MTHFD1L: variants seen among roughly 807,000 people sequenced by gnomAD.
MTHFD1L encodes methylenetetrahydrofolate dehydrogenase (NADP+ dependent) 1 like, also known as monofunctional C1-tetrahydrofolate synthase, mitochondrial.
MTHFD1L carries 81 observed loss-of-function variants against 119.5 expected under a neutral mutation model. The observed-to-expected ratio is 0.68, with a 90% confidence interval of 0.57 to 0.82. The LOEUF (loss-of-function observed/expected upper bound fraction) is 0.82. Among genes scored for constraint, MTHFD1L ranks in the 40% least tolerant of loss-of-function variants. The pLI, the probability that MTHFD1L is intolerant of heterozygous loss-of-function variation, is 0.00. For missense variants in MTHFD1L, 1,125 were observed against 1,253.4 expected, an observed-to-expected ratio of 0.90 and a Z score of 1.55; for synonymous variants, 430 against 475.2, an observed-to-expected ratio of 0.90 and a Z score of 1.24.
At chr6:151,092,926 C>T (rs1297789412) in intron 27 of MTHFD1L, among the ~76,000 whole-genome samples, 2 of 152,136 alleles carry the variant, frequency 1.3e-5, no homozygotes, top group South Asian at 2.1e-4. Flanking sequence ...TTAAAACCAG[C>T]GTCTGTTATA....
intron 20 of MTHFD1L, among the ~76,000 whole-genome samples, chr6:150,996,415 C>G (rs768453301): frequency 6.6e-6 from 1 of 151,552 alleles, no homozygotes; most frequent in East Asian, 2.0e-4. Context: ...GTGATCTTAC[C>G]GCCTTTACCT....
At position 151,091,077 on chromosome 6, in the gene MTHFD1L, C is replaced by T. The variant is rs547597617; in HGVS notation, c.2848-1390C>T. 1.6e-3 allele frequency among the ~76,000 whole-genome samples: 226 copies of T among 139,640 alleles called. 7 individuals are homozygous for T. Among genetic ancestry groups the T allele is most frequent in the African/African-American group, 5.7e-3 (200 of 35,248 alleles). 91.6% of individuals were successfully genotyped at this position (139,640 alleles called of 152,430 possible). Reference sequence around the variant, plus strand: ...CGACTGGGTGCAGCATCGTTCCATGCGACTGGGTGCAGCATCGTTCCATGC... The same window carrying T: ...CGACTGGGTGCAGCATCGTTCCATGTGACTGGGTGCAGCATCGTTCCATGC... On this transcript the variant is annotated intron_variant, in intron 26 of 27. Coordinates refer to ENST00000367321, the MANE Select transcript of MTHFD1L (RefSeq NM_015440.5).
chr6:151,057,388 C>G (rs1031555725), intron 26 of MTHFD1L: 5 of 979,430 alleles, frequency 5.1e-6, no homozygotes, highest in Non-Finnish European at 2.4e-6. Context: ...CGTCTGTAAT[C>G]CCAACATTTT....
At chr6:151,056,940 ATG>A (rs1178800986) in intron 26 of MTHFD1L, among the ~76,000 whole-genome samples, 1 of 152,160 alleles carries the variant, frequency 6.6e-6, no homozygotes, top group Non-Finnish European at 1.5e-5. Context: ...CTGACAATAA[ATG>A]TTGGGGTTCT....
chr6:150,883,222 G>A (rs371499937), intron 5 of MTHFD1L, among the ~76,000 whole-genome samples: 1 of 151,960 alleles, frequency 6.6e-6, no homozygotes, highest in African/African-American at 2.4e-5. Context: ...TAGTAGAGAC[G>A]GGGTTTTACC....
At chr6:150,935,146 G>T in intron 11 of MTHFD1L, 1 of 1,613,166 alleles carries the variant, frequency 6.2e-7, no homozygotes, top group Non-Finnish European at 8.5e-7. Context: ...AGAAAATTAA[G>T]GTAAGCTTGG....
At chr6:150,962,019 C>T (rs1796515676) in intron 18 of MTHFD1L, among the ~76,000 whole-genome samples, 1 of 151,932 alleles carries the variant, frequency 6.6e-6, no homozygotes, top group South Asian at 2.1e-4. Context: ...GATGGAGTTT[C>T]GCTCTTGTTG....
intron 15 of MTHFD1L, among the ~76,000 whole-genome samples, chr6:150,947,610 T>A (rs892654196): frequency 6.6e-6 from 1 of 151,948 alleles, no homozygotes. Context: ...AGTTTTAATT[T>A]TTTTTTTTCT....
chr6:150,980,318 T>G (rs1405739013), intron 20 of MTHFD1L, among the ~76,000 whole-genome samples: 2 of 152,222 alleles, frequency 1.3e-5, no homozygotes, highest in African/African-American at 4.8e-5. Flanking sequence ...CCTGTGTGGC[T>G]TGGTGCCGAA....
chr6:151,050,113 C>G (rs917771750), intron 26 of MTHFD1L, among the ~76,000 whole-genome samples: 1 of 146,694 alleles, frequency 6.8e-6, no homozygotes, highest in Non-Finnish European at 1.5e-5. Context: ...CCTCTTCCCC[C>G]ATACCTCGCC....
rs185298490 is a variant in MTHFD1L, at chr6:150,922,093, C to T, written c.985-112C>T. On this transcript the variant is annotated intron_variant, in intron 9 of 27. Coordinates refer to ENST00000367321, the MANE Select transcript of MTHFD1L (RefSeq NM_015440.5). ...CCTAATATCCTCCTGGCTTATTGTGCGACTCGATAATCTTGTTTTGTAACA... is the reference window on the plus strand; with the variant it reads ...CCTAATATCCTCCTGGCTTATTGTGTGACTCGATAATCTTGTTTTGTAACA... The T allele has an allele frequency of 3.6e-4, 277 of 760,412 alleles. No individual in the cohort carries two copies. The East Asian group carries it at 4.5e-3, about 12-fold the overall frequency. The allele number at this position is 760,412 out of a possible 1,614,324, so 47.1% of individuals were successfully genotyped here.
intron 26 of MTHFD1L, among the ~76,000 whole-genome samples, chr6:151,058,422 C>T (rs899154115): frequency 6.6e-6 from 1 of 152,216 alleles, no homozygotes; most frequent in African/African-American, 2.4e-5. Flanking sequence ...TGTGGGTACA[C>T]TGTACAGAAA....
chr6:150,983,019 T>A (rs1239058609), intron 20 of MTHFD1L, among the ~76,000 whole-genome samples: 1 of 151,508 alleles, frequency 6.6e-6, no homozygotes, highest in East Asian at 1.9e-4. Flanking sequence ...TATTGTTAGA[T>A]TTTTTTAGCT....
chr6:150,973,538 C>T (rs1264215027), intron 20 of MTHFD1L, among the ~76,000 whole-genome samples: 1 of 152,190 alleles, frequency 6.6e-6, no homozygotes, highest in African/African-American at 2.4e-5. Flanking sequence ...GGTTCTGATG[C>T]ATCAGCTCTG....
At chr6:150,937,694 A>G (rs1198996172) in intron 12 of MTHFD1L, among the ~76,000 whole-genome samples, 1 of 152,022 alleles carries the variant, frequency 6.6e-6, no homozygotes, top group Non-Finnish European at 1.5e-5. Context: ...TGTGTTTCCT[A>G]CCGCCATGTG....
At chr6:151,008,355 T>C (rs1001782206) in intron 20 of MTHFD1L, among the ~76,000 whole-genome samples, 7 of 152,250 alleles carry the variant, frequency 4.6e-5, no homozygotes, top group Non-Finnish European at 8.8e-5. Flanking sequence ...TATAAGTATG[T>C]ATTTCATAAA....
At chr6:151,010,645 A>T (rs1782080731) in intron 21 of MTHFD1L, among the ~76,000 whole-genome samples, 1 of 152,180 alleles carries the variant, frequency 6.6e-6, no homozygotes, top group Non-Finnish European at 1.5e-5. Flanking sequence ...TTCCACAGAA[A>T]ACCTGTGCAT....
chr6:150,918,964 G>A (rs976536847), intron 9 of MTHFD1L, among the ~76,000 whole-genome samples: 10 of 152,050 alleles, frequency 6.6e-5, no homozygotes, highest in African/African-American at 2.4e-4. Context: ...TTATCTCACA[G>A]TTTCTTCAAG....
At chr6:150,986,656 T>A (rs11967809) in intron 20 of MTHFD1L, among the ~76,000 whole-genome samples, 1,734 of 152,328 alleles carry the variant, frequency 0.011, 32 homozygotes, top group African/African-American at 0.04. Context: ...CACCTCCTGC[T>A]GTGCGACCCA....
Sources: gnomAD v4.1 joint callset for allele counts (sites outside exome capture counted in the v4.1 genomes callset) on GRCh38, gnomAD v4.1.1 for gene constraint, MANE v1.5 for transcripts, NCBI Gene and HGNC (gene_info 2026-07-23, HGNC 2026-07-21) for gene names.